AGBL3: variants seen among roughly 807,000 people sequenced by gnomAD.
AGBL3 encodes cytosolic carboxypeptidase 3.
AGBL3 carries 68 observed loss-of-function variants against 94.5 expected under a neutral mutation model. That is an observed-to-expected ratio of 0.72 (90% CI 0.59 to 0.88). AGBL3 has a LOEUF of 0.88. Among genes scored for constraint, AGBL3 ranks in the 40% least tolerant of loss-of-function variants. The pLI, the probability that AGBL3 is intolerant of heterozygous loss-of-function variation, is 0.00. For synonymous variants in AGBL3, 354 were observed against 370.7 expected (o/e 0.95, Z 0.52); for missense variants, 934 against 1,103.8 (o/e 0.85, Z 2.18).
chr7:135,127,312 T>C (rs1047196730), intron 16 of AGBL3, among the ~76,000 whole-genome samples: 2 of 151,534 alleles, frequency 1.3e-5, no homozygotes, highest in African/African-American at 4.8e-5. Flanking sequence ...ATCCCAGCAC[T>C]TTGGGAGGCC....
intron 9 of AGBL3, among the ~76,000 whole-genome samples, chr7:135,044,358 A>G (rs1187925623): frequency 3.9e-5 from 6 of 152,196 alleles, no homozygotes; most frequent in African/African-American, 1.4e-4. Context: ...GGAAGATTTA[A>G]GCATATAAAC....
intron 5 of AGBL3, among the ~76,000 whole-genome samples, chr7:135,024,231 G>A (rs562284852): frequency 6.6e-6 from 1 of 152,298 alleles, no homozygotes; most frequent in Admixed American, 6.5e-5. Flanking sequence ...AGCGGGCCTG[G>A]TGATGGGGGT....
chr7:135,054,814 GCTT>G (rs1322098847), intron 11 of AGBL3, among the ~76,000 whole-genome samples: 1 of 152,064 alleles, frequency 6.6e-6, no homozygotes, highest in Non-Finnish European at 1.5e-5. Context: ...AATCTGTATA[GCTT>G]CTTATTTGCT....
chr7:135,039,309 A>G (rs1816612560), intron 8 of AGBL3, among the ~76,000 whole-genome samples: 1 of 152,250 alleles, frequency 6.6e-6, no homozygotes, highest in South Asian at 2.1e-4. Flanking sequence ...CCTTAGGCCC[A>G]AGAGGAACTC....
chr7:135,121,501 T>C (rs1167036387), intron 16 of AGBL3, among the ~76,000 whole-genome samples: 7 of 149,574 alleles, frequency 4.7e-5, no homozygotes, highest in Admixed American at 2.7e-4. Flanking sequence ...AGAAAGTGTA[T>C]ATCTGACCAC....
intron 5 of AGBL3, among the ~76,000 whole-genome samples, chr7:135,025,620 C>G (rs1052082792): frequency 6.6e-6 from 1 of 151,500 alleles, no homozygotes; most frequent in Admixed American, 6.6e-5. Context: ...ATGGTCTGAA[C>G]AGACCACTTA....
intron 11 of AGBL3, among the ~76,000 whole-genome samples, chr7:135,058,298 A>G (rs912447157): frequency 7.9e-5 from 12 of 152,246 alleles, no homozygotes; most frequent in African/African-American, 2.2e-4. Flanking sequence ...TACATAAAAA[A>G]TACAACCCAG....
chr7:135,097,757 A>G (rs1308570014), intron 15 of AGBL3, among the ~76,000 whole-genome samples: 1 of 152,118 alleles, frequency 6.6e-6, no homozygotes, highest in Admixed American at 6.5e-5. Flanking sequence ...TTAGACATGT[A>G]CCTGAGTTAT....
At chr7:135,013,553 A>C (rs979913284) in intron 4 of AGBL3, among the ~76,000 whole-genome samples, 16 of 152,314 alleles carry the variant, frequency 1.1e-4, no homozygotes, top group Admixed American at 5.9e-4. Flanking sequence ...TGGGAAAAAC[A>C]AATTGGTGAT....
At chr7:135,030,658 CAT>C (rs755236340) in intron 5 of AGBL3, among the ~76,000 whole-genome samples, 3 of 152,134 alleles carry the variant, frequency 2.0e-5, no homozygotes, top group Non-Finnish European at 4.4e-5. Flanking sequence ...TATTTCTTCA[CAT>C]ATTTTTTTCC....
chr7:135,086,579 G>A (rs1563250358), intron 15 of AGBL3, among the ~76,000 whole-genome samples: 1 of 151,792 alleles, frequency 6.6e-6, no homozygotes, highest in South Asian at 2.1e-4. Flanking sequence ...ATGATCATAG[G>A]GTTTTTGTCC....
chr7:135,120,849 T>C (rs903461007), intron 16 of AGBL3, among the ~76,000 whole-genome samples: 1 of 152,170 alleles, frequency 6.6e-6, no homozygotes, highest in African/African-American at 2.4e-5. Flanking sequence ...AGAGGGGCAT[T>C]ATATATAATG....
chr7:135,118,853 G>GA (rs1362243438), intron 16 of AGBL3, among the ~76,000 whole-genome samples: 4 of 152,004 alleles, frequency 2.6e-5, no homozygotes, highest in African/African-American at 9.7e-5. Flanking sequence ...TTTTTGAATT[G>GA]AAAAATACCA....
At chr7:135,047,276 AT>A (rs1817455751) in intron 11 of AGBL3, among the ~76,000 whole-genome samples, 2 of 151,610 alleles carry the variant, frequency 1.3e-5, no homozygotes, top group African/African-American at 4.8e-5. Flanking sequence ...TATTTTCTTT[AT>A]CCATTCATTT....
intron 13 of AGBL3, among the ~76,000 whole-genome samples, chr7:135,079,090 TA>T (rs975120721): frequency 1.3e-5 from 2 of 152,168 alleles, no homozygotes; most frequent in Non-Finnish European, 2.9e-5. Flanking sequence ...CTCATGTACA[TA>T]AGATCACTGA....
chr7:135,068,351 C>T lies in AGBL3; in HGVS notation c.1909-8046C>T, dbSNP rs200883470. Among the ~76,000 whole-genome samples the T allele has an allele frequency of 5.9e-5, 9 of 152,220 alleles. No individual in the cohort carries two copies. In the South Asian group the frequency reaches 1.0e-3, roughly 18 times the overall value. ...GGAGAACTTCCCCAATCTAGCAAGG[C>T]GGGCCAACATTCAAATTCAGGAAAT... is the stretch of plus-strand genomic sequence containing the variant. On this transcript the variant is annotated intron_variant, in intron 12 of 16. Coordinates refer to ENST00000436302, the MANE Select transcript of AGBL3 (RefSeq NM_178563.4).
chr7:135,123,276 C>T (rs867139133), intron 16 of AGBL3, among the ~76,000 whole-genome samples: 5 of 152,076 alleles, frequency 3.3e-5, no homozygotes, highest in South Asian at 2.1e-4. Flanking sequence ...GAATCGACCA[C>T]GCAGAAGAAA....
intron 4 of AGBL3, among the ~76,000 whole-genome samples, chr7:135,007,965 A>G (rs1414938264): frequency 1.3e-5 from 2 of 152,182 alleles, no homozygotes; most frequent in East Asian, 3.9e-4. Flanking sequence ...TCTGACAACT[A>G]CAAAACATTA....
intron 5 of AGBL3, among the ~76,000 whole-genome samples, chr7:135,017,517 GT>G (rs1813942009): frequency 6.6e-6 from 1 of 152,134 alleles, no homozygotes; most frequent in South Asian, 2.1e-4. Flanking sequence ...TCGTTCAGAT[GT>G]TTTTCTTTTA....
Sources: allele counts gnomAD v4.1 joint callset (sites outside exome capture counted in the v4.1 genomes callset), GRCh38; gene constraint gnomAD v4.1.1; transcripts MANE v1.5; gene names NCBI Gene and HGNC (gene_info 2026-07-23, HGNC 2026-07-21).